Variants in SHANK2 observed in about 807,000 individuals in gnomAD.
The protein encoded by SHANK2 is SH3 and multiple ankyrin repeat domains protein 2.
In SHANK2, 43 loss-of-function variants were observed where a neutral mutation model predicts 133.7. The observed-to-expected ratio is 0.32, with a 90% CI of 0.25 to 0.41. The LOEUF (loss-of-function observed/expected upper bound fraction) is 0.41. SHANK2 is among the 10% of genes least tolerant of loss of function. SHANK2 has a pLI of 1.00. For synonymous variants in SHANK2, 1,017 were observed against 952.8 expected (o/e 1.07, Z -1.24); for missense variants, 1,994 against 2,235.8 (o/e 0.89, Z 2.18).
Position 70,486,485 on chromosome 11 carries a change from G to A in SHANK2, c.3808C>T (p.Arg1270Trp), listed in dbSNP as rs548634941. 16 of 1,614,074 alleles carry A rather than the reference G, an allele frequency of 9.9e-6. No homozygotes were observed. The highest frequency in any genetic ancestry group is 2.7e-5 in the African/African-American group (2 of 75,028). The change falls in exon 25 of 26, where the codon CGG becomes TGG. Residue 1270 changes from arginine (R) to tryptophan (W), a missense_variant. Transcript: ENST00000601538. This position sits in a 1 kb window ranked among gnomAD's most constrained non-coding sequence, Gnocchi z 8.0. Reference protein sequence around the residue: ...GFPTVTRQNTRGPLRRQETEN... With the variant: ...GFPTVTRQNTWGPLRRQETEN... ...GTCTCCTGCCGCCTCAGGGGTCCCCGGGTGTTCTGCCTGGTGACCGTAGGG... is the reference window on the plus strand; with the variant it reads ...GTCTCCTGCCGCCTCAGGGGTCCCCAGGTGTTCTGCCTGGTGACCGTAGGG...
At chr11:70,893,862 T>G (rs1949891267) in intron 11 of SHANK2, among the ~76,000 whole-genome samples, 1 of 152,132 alleles carries the variant, frequency 6.6e-6, no homozygotes, top group African/African-American at 2.4e-5. Context: ...CATGAGAGAC[T>G]CAAACCTCGA....
rs114863804 is a variant in SHANK2, at chr11:70,830,571, C to T, written c.1175-9889G>A. 2.0e-3 allele frequency among the ~76,000 whole-genome samples: 307 copies of T among 152,328 alleles called. No homozygotes were observed. Among genetic ancestry groups the T allele is most frequent in the African/African-American group, 6.9e-3 (286 of 41,578 alleles). ...AGCCTCCCGCAGAACTCCGGGAATT[C>T]GCTAGCGCCCTTCCCATCTCTAAAA... On this transcript the variant is annotated intron_variant, in intron 11 of 25. Transcript: ENST00000601538. The surrounding 1 kb of genome is among the most constrained non-coding windows in gnomAD (Gnocchi z 4.4).
At chr11:71,128,792 G>A (rs1446649251) in intron 3 of SHANK2, among the ~76,000 whole-genome samples, 1 of 152,146 alleles carries the variant, frequency 6.6e-6, no homozygotes, top group Non-Finnish European at 1.5e-5. Context: ...GAGGACAGGG[G>A]TTTCTTTTTT....
chr11:71,186,250 T>G (rs927650196), intron 2 of SHANK2, among the ~76,000 whole-genome samples: 31 of 152,368 alleles, frequency 2.0e-4, no homozygotes, highest in African/African-American at 7.5e-4. Flanking sequence ...CAACACCTGC[T>G]GATGTCTTCC....
intron 11 of SHANK2, among the ~76,000 whole-genome samples, chr11:70,893,315 G>A (rs1249897862): frequency 6.6e-6 from 1 of 152,262 alleles, no homozygotes; most frequent in African/African-American, 2.4e-5. Context: ...GGGGAAGAGA[G>A]TATGAGACCC....
At chr11:70,795,491 C>A (rs573356110) in intron 14 of SHANK2, among the ~76,000 whole-genome samples, 3 of 151,160 alleles carry the variant, frequency 2.0e-5, no homozygotes, top group Admixed American at 1.3e-4. Context: ...CTGCAACCTC[C>A]GCCTCCCAGG....
At position 71,126,557 on chromosome 11, in the gene SHANK2, T is replaced by C. The variant is rs1449747135; in HGVS notation, c.208-7525A>G. 6.6e-5 allele frequency among the ~76,000 whole-genome samples: 10 copies of C among 152,316 alleles called. 1 individual carries two copies. Among genetic ancestry groups the C allele is most frequent in the Admixed American group, 6.5e-4 (10 of 15,300 alleles). ...TTTAACAATATATCTTGTAAGACTA[T>C]AGCTGCCACAGATTCCTCAGATGGA... On this transcript the variant is annotated intron_variant, in intron 3 of 25. Coordinates refer to ENST00000601538, the MANE Select transcript of SHANK2 (RefSeq NM_012309.5).
intron 15 of SHANK2, among the ~76,000 whole-genome samples, chr11:70,692,926 C>T (rs1323347792): frequency 6.6e-6 from 1 of 152,190 alleles, no homozygotes; most frequent in Non-Finnish European, 1.5e-5. Flanking sequence ...TAAACCTTTT[C>T]CTTGAGTGGC....
At position 71,117,822 on chromosome 11, in the gene SHANK2, G is replaced by A. The variant is rs556601646; in HGVS notation, c.411+1007C>T. On this transcript the variant is annotated intron_variant, in intron 4 of 25. Transcript: ENST00000601538. ...TACACTTTGTAATAAGCCAGGGGTA[G>A]CAGTTAAAATGCCTTCTTAGGTTCT... is the stretch of plus-strand genomic sequence containing the variant. Among the ~76,000 whole-genome samples, 5 of 152,310 alleles carry A rather than the reference G, an allele frequency of 3.3e-5. No individual in the cohort carries two copies. The South Asian group carries it at 1.0e-3, about 32-fold the overall frequency.
At chr11:70,474,266 A>G (rs2058634681) in intron 25 of SHANK2, 1 of 152,426 alleles carries the variant, frequency 6.6e-6, no homozygotes, top group African/African-American at 2.4e-5. Flanking sequence ...CACGGGCCTT[A>G]CTGAAAAGCA....
chr11:71,184,841 A>G (rs1171116166), intron 2 of SHANK2, among the ~76,000 whole-genome samples: 1 of 152,216 alleles, frequency 6.6e-6, no homozygotes, highest in Non-Finnish European at 1.5e-5. Context: ...AATAAGACCA[A>G]GCTGTTGACT....
At chr11:71,156,201 C>T (rs1952904084) in intron 2 of SHANK2, among the ~76,000 whole-genome samples, 1 of 152,228 alleles carries the variant, frequency 6.6e-6, no homozygotes, top group Non-Finnish European at 1.5e-5. Context: ...TTCTGTGGTG[C>T]TCTGTGATGG....
At chr11:70,884,706 C>T (rs547812797) in intron 11 of SHANK2, among the ~76,000 whole-genome samples, 216 of 152,276 alleles carry the variant, frequency 1.4e-3, no homozygotes, top group African/African-American at 5.1e-3. Context: ...TTGTAGAACA[C>T]GATGGGTATC....
At chr11:70,941,986 GTTTGA>G (rs1950654656) in intron 10 of SHANK2, among the ~76,000 whole-genome samples, 7 of 152,104 alleles carry the variant, frequency 4.6e-5, no homozygotes, top group African/African-American at 1.7e-4. Flanking sequence ...GAGGTCAGGA[GTTTGA>G]GACCTGGCCA....
At chr11:70,715,472 C>T (rs1407691898) in intron 14 of SHANK2, among the ~76,000 whole-genome samples, 6 of 152,166 alleles carry the variant, frequency 3.9e-5, no homozygotes, top group Non-Finnish European at 7.3e-5. Context: ...CTGGGGACAC[C>T]GTAGGAGGGG....
At chr11:71,095,737 C>T (rs1555095251) in intron 6 of SHANK2, among the ~76,000 whole-genome samples, 2 of 152,228 alleles carry the variant, frequency 1.3e-5, no homozygotes, top group Non-Finnish European at 1.5e-5. Flanking sequence ...CTTATCCATA[C>T]ATGGGTACCC....
At chr11:70,850,460 C>G (rs568675143) in intron 11 of SHANK2, among the ~76,000 whole-genome samples, 1 of 152,300 alleles carries the variant, frequency 6.6e-6, no homozygotes, top group African/African-American at 2.4e-5. Context: ...TTTACCAGCT[C>G]TCCCTCCTGC....
intron 13 of SHANK2, among the ~76,000 whole-genome samples, chr11:70,801,959 C>T (rs1565326147): frequency 1.3e-5 from 2 of 152,142 alleles, no homozygotes; most frequent in South Asian, 2.1e-4. Context: ...AGATGAGAAT[C>T]GTCCCAGCCA....
intron 14 of SHANK2, among the ~76,000 whole-genome samples, chr11:70,795,546 C>T (rs4980553): frequency 0.026 from 3,905 of 152,108 alleles, 180 homozygotes; most frequent in African/African-American, 0.09. Flanking sequence ...GCTGGGACTA[C>T]AGGTGCATGG....
Sources: allele counts gnomAD v4.1 joint callset (sites outside exome capture counted in the v4.1 genomes callset), GRCh38; gene constraint gnomAD v4.1.1; non-coding constraint Gnocchi (gnomAD v3.1); transcripts MANE v1.5; gene names NCBI Gene and HGNC (gene_info 2026-07-23, HGNC 2026-07-21).